The following TENT2 variants were observed in gnomAD, a reference collection of about 807,000 sequenced individuals.
TENT2 encodes the protein terminal nucleotidyltransferase 2.
A neutral mutation model predicts 72.2 loss-of-function variants in TENT2; 44 were observed. The observed-to-expected ratio is 0.61, with a 90% CI of 0.48 to 0.78. The LOEUF (loss-of-function observed/expected upper bound fraction) is 0.78. Among genes scored for constraint, TENT2 ranks in the 30% least tolerant of loss-of-function variants. TENT2 has a pLI of 0.00. For synonymous variants in TENT2, 212 were observed against 192.5 expected, an observed-to-expected ratio of 1.10 and a Z score of -0.84; for missense variants, 541 against 569.6, an observed-to-expected ratio of 0.95 and a Z score of 0.51.
intron 1 of TENT2, among the ~76,000 whole-genome samples, chr5:79,615,464 T>G (rs1480757834): frequency 6.6e-6 from 1 of 152,230 alleles, no homozygotes; most frequent in African/African-American, 2.4e-5. Context: ...GAATACATAT[T>G]TCTTCCATTC....
At chr5:79,669,854 G>A (rs1236289311) in intron 12 of TENT2, among the ~76,000 whole-genome samples, 2 of 151,950 alleles carry the variant, frequency 1.3e-5, no homozygotes, top group African/African-American at 2.4e-5. Context: ...GTTATCTGGT[G>A]TGTGGTATAT....
At chr5:79,659,739 T>G (rs547681563) in intron 11 of TENT2, among the ~76,000 whole-genome samples, 1 of 151,560 alleles carries the variant, frequency 6.6e-6, no homozygotes, top group African/African-American at 2.4e-5. Flanking sequence ...TGTTACATGA[T>G]TGATACAAGT....
intron 12 of TENT2, 142 bp downstream of exon 12, chr5:79,669,170 TC>T: frequency 1.9e-6 from 2 of 1,026,080 alleles, no homozygotes; most frequent in Non-Finnish European, 2.7e-6. Flanking sequence ...TGTAAAGTTG[TC>T]CAGAAATGTA....
Position 79,623,435 on chromosome 5 carries a change from A to C in TENT2, c.411A>C (p.Arg137=). Residue 137 remains arginine (R), a synonymous_variant, in exon 4 of 15, where the codon CGA becomes CGC. Transcript: ENST00000453514. ...TAGTCAGATGTGTTCCACCTTTTCG[A>C]GAAATTGCATTTTTAGAACCTAGAG... is the stretch of plus-strand genomic sequence containing the variant. The part of the protein sequence containing the change: ...PDIVRCVPPF[R]EIAFLEPREI... The C allele has an allele frequency of 6.2e-7, 1 of 1,611,800 alleles. No individual in the cohort carries two copies. The highest frequency in any genetic ancestry group is 8.5e-7 in the Non-Finnish European group (1 of 1,178,914).
intron 4 of TENT2, among the ~76,000 whole-genome samples, chr5:79,624,311 G>A (rs1767561518): frequency 6.6e-6 from 1 of 152,180 alleles, no homozygotes; most frequent in African/African-American, 2.4e-5. Context: ...ACCAGCATGG[G>A]TCTGAAACAT....
At chr5:79,625,065 T>C (rs944714910) in intron 4 of TENT2, among the ~76,000 whole-genome samples, 9 of 152,228 alleles carry the variant, frequency 5.9e-5, no homozygotes, top group South Asian at 2.1e-4. Context: ...AAACTTGTTA[T>C]TGTCTGCCTT....
chr5:79,645,759 G>A (rs1788356109), intron 8 of TENT2, among the ~76,000 whole-genome samples: 1 of 151,990 alleles, frequency 6.6e-6, no homozygotes, highest in Non-Finnish European at 1.5e-5. Context: ...AAACTGATTT[G>A]TTACTGTTTT....
At chr5:79,626,409 G>GCCACTTCTT (rs1769959576) in intron 4 of TENT2, among the ~76,000 whole-genome samples, 1 of 150,996 alleles carries the variant, frequency 6.6e-6, no homozygotes, top group Non-Finnish European at 1.5e-5. Context: ...CTGTGTTCGC[G>GCCACTTCTT]CTATTCTCCT....
intron 12 of TENT2, among the ~76,000 whole-genome samples, chr5:79,669,728 GTAA>G (rs945979368): frequency 1.4e-4 from 21 of 151,722 alleles, no homozygotes; most frequent in Admixed American, 3.9e-4. Context: ...TTTGCATAGG[GTAA>G]TAATAATAGT....
chr5:79,681,017 A>G (rs1007642831), intron 13 of TENT2, among the ~76,000 whole-genome samples: 3 of 151,842 alleles, frequency 2.0e-5, no homozygotes, highest in African/African-American at 7.3e-5. Context: ...CATGGAAAGT[A>G]TATATATTGG....
chr5:79,628,402 G>A (rs1772214367), intron 4 of TENT2, among the ~76,000 whole-genome samples: 1 of 152,214 alleles, frequency 6.6e-6, no homozygotes. Context: ...TTAGAATGAA[G>A]TGGGCTTGGA....
At position 79,643,308 on chromosome 5, in the gene TENT2, T is replaced by G. The variant is rs141849480; in HGVS notation, c.751+398T>G. ...GAATTTCATCTGGCTTGCAATGATA[T>G]GCATCTTTACTTGTTTTAAAAATAT... On this transcript the variant is annotated intron_variant, in intron 7 of 14. Transcript: ENST00000453514. Among the ~76,000 whole-genome samples the G allele has an allele frequency of 3.1e-3, 472 of 152,322 alleles. 4 individuals carry two copies. The highest frequency in any genetic ancestry group is 0.011 in the African/African-American group (439 of 41,584).
chr5:79,651,219 A>T (rs1160085828), intron 10 of TENT2, among the ~76,000 whole-genome samples: 1 of 151,996 alleles, frequency 6.6e-6, no homozygotes, highest in Non-Finnish European at 1.5e-5. Context: ...TAAATACATA[A>T]ATGTCAAGTT....
intron 1 of TENT2, 92 bp from the exon 2 acceptor site, chr5:79,619,520 C>T: frequency 1.1e-6 from 1 of 928,264 alleles, no homozygotes; most frequent in Non-Finnish European, 1.5e-6. Flanking sequence ...AACTTGATAA[C>T]TAATTGTTTT....
chr5:79,683,748 T>C (rs1205528634), intron 14 of TENT2, among the ~76,000 whole-genome samples: 2 of 149,566 alleles, frequency 1.3e-5, no homozygotes, highest in African/African-American at 2.4e-5. Flanking sequence ...ACCCCGTTTC[T>C]ACTAAAAAAA....
At chr5:79,662,692 C>T (rs1407163517) in intron 11 of TENT2, among the ~76,000 whole-genome samples, 3 of 152,088 alleles carry the variant, frequency 2.0e-5, no homozygotes, top group African/African-American at 7.2e-5. Flanking sequence ...GTGTTGTCAT[C>T]AAGGCTTTGT....
chr5:79,650,802 A>G (rs1245033823), intron 10 of TENT2, among the ~76,000 whole-genome samples: 2 of 152,018 alleles, frequency 1.3e-5, no homozygotes, highest in Admixed American at 1.3e-4. Context: ...GGATTGGAGG[A>G]TGATACCCAA....
At chr5:79,644,959 C>A (rs1052326880) in intron 7 of TENT2, 164 bp from the exon 8 acceptor site, 5 of 543,712 alleles carry the variant, frequency 9.2e-6, no homozygotes, top group African/African-American at 2.0e-5. Context: ...ACTGGAGCCT[C>A]CAACCTTAGA....
intron 9 of TENT2, 77 bp from the exon 10 acceptor site, chr5:79,648,985 T>G: frequency 1.1e-5 from 16 of 1,459,704 alleles, no homozygotes; most frequent in African/African-American, 1.4e-5. Context: ...TGTTTTGGTA[T>G]GGAGCTGGGA....
Sources: gnomAD v4.1 joint callset for allele counts (sites outside exome capture counted in the v4.1 genomes callset) on GRCh38, gnomAD v4.1.1 for gene constraint, MANE v1.5 for transcripts, NCBI Gene and HGNC (gene_info 2026-07-23, HGNC 2026-07-21) for gene names.